FBXO22: variants seen among roughly 807,000 people sequenced by gnomAD.
FBXO22 encodes the protein F-box only protein 22.
FBXO22 carries 13 observed loss-of-function variants against 37.2 expected under a neutral mutation model. The ratio of observed to expected loss-of-function variants is 0.35; its 90% CI spans 0.23 to 0.56. The LOEUF (loss-of-function observed/expected upper bound fraction) is 0.56. Ranked by LOEUF, FBXO22 falls within the 20% of genes least tolerant of loss-of-function variation. The probability of loss-of-function intolerance (pLI) is 0.87; values close to 1 mark genes in which losing one functional copy is unlikely to be tolerated. For synonymous variants in FBXO22, 189 were observed against 189.1 expected (o/e 1.00, Z 0.00); for missense variants, 446 against 509.9 (o/e 0.87, Z 1.21).
rs1402107652 is a variant in FBXO22, at chr15:75,940,802, A to G, written c.*7700A>G. On this transcript the variant is annotated 3_prime_UTR_variant, in exon 7 of 7. Transcript: ENST00000308275. ...CACATGGCTAACTAACAAAGTTGCA[A>G]CCTCACTCATTTGCAAAAATTAACT... The G allele has an allele frequency of 6.6e-6, 1 of 152,024 alleles. No homozygotes were observed. Among genetic ancestry groups the G allele is most frequent in the African/African-American group, 2.4e-5 (1 of 41,412 alleles). The allele number at this position is 152,024 out of a possible 1,614,324, so 9.4% of individuals were successfully genotyped here.
In FBXO22 at chr15:75,933,497, A is replaced by T. The variant is rs1450461425; in HGVS notation, c.*395A>T. 5.4e-6 allele frequency: 1 copy of T among 185,840 alleles called. No individual in the cohort carries two copies. Among genetic ancestry groups the T allele is most frequent in the East Asian group, 1.7e-4 (1 of 5,956 alleles). 11.5% of individuals were successfully genotyped at this position (185,840 alleles called of 1,614,324 possible). On this transcript the variant is annotated 3_prime_UTR_variant, in exon 7 of 7. Coordinates refer to ENST00000308275, the MANE Select transcript of FBXO22 (RefSeq NM_147188.3). ...TTAGGTGATGTCTTTTAGCAGAATCATGAAGACCTTTTTTCTCCCTTAATA... is the reference window on the plus strand; with the variant it reads ...TTAGGTGATGTCTTTTAGCAGAATCTTGAAGACCTTTTTTCTCCCTTAATA...
At chr15:75,916,306 G>A (rs541202300) in intron 4 of FBXO22, among the ~76,000 whole-genome samples, 1 of 152,126 alleles carries the variant, frequency 6.6e-6, no homozygotes, top group South Asian at 2.1e-4. Context: ...CCACAGACTG[G>A]GTGACTTAAA....
At chr15:75,911,771 A>C (rs1900057668) in intron 2 of FBXO22, among the ~76,000 whole-genome samples, 1 of 151,286 alleles carries the variant, frequency 6.6e-6, no homozygotes, top group Non-Finnish European at 1.5e-5. Context: ...CTCTTGCTTG[A>C]TTGGCCTGGC....
At chr15:75,904,437 GGA>G (rs1458496170) in intron 1 of FBXO22, 52 bp from the exon 2 acceptor site, 1 of 1,611,916 alleles carries the variant, frequency 6.2e-7, no homozygotes, top group Non-Finnish European at 8.5e-7. Flanking sequence ...GTGAGCTGTG[GGA>G]GAGACGAAAA....
intron 5 of FBXO22, among the ~76,000 whole-genome samples, chr15:75,917,987 T>G (rs1900225603): frequency 6.6e-6 from 1 of 152,198 alleles, no homozygotes; most frequent in Non-Finnish European, 1.5e-5. Context: ...ATGTCTAAGC[T>G]TGGATGGGAA....
intron 6 of FBXO22, among the ~76,000 whole-genome samples, chr15:75,931,494 T>C (rs889722791): frequency 2.0e-5 from 3 of 152,224 alleles, no homozygotes; most frequent in Non-Finnish European, 4.4e-5. Context: ...GGAAATGTGA[T>C]AAAGTTTTAA....
chr15:75,921,383 C>T (rs1016893256), intron 5 of FBXO22, among the ~76,000 whole-genome samples: 1 of 152,046 alleles, frequency 6.6e-6, no homozygotes, highest in South Asian at 2.1e-4. Context: ...TTTGTTTGGC[C>T]GGGCACAGTG....
At chr15:75,922,511 A>G (rs1567054714) in intron 5 of FBXO22, among the ~76,000 whole-genome samples, 1 of 152,240 alleles carries the variant, frequency 6.6e-6, no homozygotes, top group African/African-American at 2.4e-5. Flanking sequence ...GAAGGAACAT[A>G]GAAACACAGG....
intron 2 of FBXO22, 106 bp downstream of exon 2, chr15:75,904,735 G>C: frequency 1.7e-6 from 1 of 592,962 alleles, no homozygotes; most frequent in Non-Finnish European, 2.5e-6. Flanking sequence ...GGAACATCTC[G>C]TTCCGTGAAA....
At chr15:75,930,424 G>T in intron 6 of FBXO22, 1 of 1,068,088 alleles carries the variant, frequency 9.4e-7, no homozygotes, top group Non-Finnish European at 1.1e-6. Flanking sequence ...AAACTTCTCA[G>T]AGCTTCTAAT....
Position 75,904,543 on chromosome 15 carries a change from AGC to A in FBXO22, c.195_196del (p.Val66AsnfsTer27). On this transcript the variant is annotated frameshift_variant, in exon 2 of 7. Transcript: ENST00000308275. LOFTEE classifies it high-confidence loss of function. ...CVRRVLRTHR[S>X]VTWISAGLAE... ...GCGCAGAGTATTGCGGACCCATCGG[AGC>A]GTAACCTGGATCTCCGCAGGCCTGG... The A allele has an allele frequency of 6.2e-7, 1 of 1,613,662 alleles. No homozygotes were observed. The highest frequency in any genetic ancestry group is 2.2e-5 in the East Asian group (1 of 44,808).
At chr15:75,919,242 G>A (rs1166523686) in intron 5 of FBXO22, among the ~76,000 whole-genome samples, 1 of 152,136 alleles carries the variant, frequency 6.6e-6, no homozygotes, top group Non-Finnish European at 1.5e-5. Context: ...AAAGTGCTGG[G>A]ATTACAGGTG....
rs1440806901 is a variant in FBXO22, at chr15:75,938,611, A to G, written c.*5509A>G. The G allele has an allele frequency of 6.6e-6, 1 of 152,242 alleles. No homozygotes were observed. Among genetic ancestry groups the G allele is most frequent in the Non-Finnish European group, 1.5e-5 (1 of 68,038 alleles). 9.4% of individuals were successfully genotyped at this position (152,242 alleles called of 1,614,324 possible). On this transcript the variant is annotated 3_prime_UTR_variant, in exon 7 of 7. Coordinates refer to ENST00000308275, the MANE Select transcript of FBXO22 (RefSeq NM_147188.3). ...CATTATAAAAAAATTCTGGCAGAGAAAAGTATAATAAATGAAATTTTCACT... is the reference window on the plus strand; with the variant it reads ...CATTATAAAAAAATTCTGGCAGAGAGAAGTATAATAAATGAAATTTTCACT...
chr15:75,904,621 G>A lies in FBXO22; in HGVS notation c.271G>A (p.Glu91Lys), dbSNP rs750180280. 3 of 1,606,214 alleles carry A rather than the reference G, an allele frequency of 1.9e-6. No individual in the cohort carries two copies. The highest frequency in any genetic ancestry group is 2.7e-5 in the African/African-American group (2 of 74,728). The change falls in exon 2 of 7, where the codon GAG (glutamate) becomes AAG (lysine). Residue 91 changes from glutamate to lysine, a missense_variant. By Grantham distance (56) the Glu-to-Lys change is moderately conservative. Around this residue, in one of 2 missense-constraint regions of FBXO22, gnomAD observed 315 missense variants for 410.1 expected, o/e 0.77. Coordinates refer to ENST00000308275, the MANE Select transcript of FBXO22 (RefSeq NM_147188.3). ...GHCLVRVVAE[E>K]LENVRILPHT... ...TTGCTTGGTTCGCGTGGTAGCAGAG[G>A]AGCTTGAGGCAAGTAGCAAGGGGTG...
rs559845545 is a variant in FBXO22 at position 75,916,900 on chromosome 15, AC to A, written c.464-323del. On this transcript the variant is annotated intron_variant, in intron 4 of 6. Coordinates refer to ENST00000308275, the MANE Select transcript of FBXO22 (RefSeq NM_147188.3). ...GAATTGCTGTGAAAGTGTATTTACTACCCCCCCAACTTTTTAATTTGAAAAA... is the reference window on the plus strand; with the variant it reads ...GAATTGCTGTGAAAGTGTATTTACTACCCCCCAACTTTTTAATTTGAAAAA... Among the ~76,000 whole-genome samples, 86 of 152,052 alleles carry A rather than the reference AC, an allele frequency of 5.7e-4. 2 individuals are homozygous for A. In the South Asian group the frequency reaches 0.01, roughly 18 times the overall value.
Position 75,904,042 on chromosome 15 carries a change from G to C in FBXO22, c.79G>C (p.Ala27Pro), listed in dbSNP as rs752654667. The change falls in exon 1 of 7, where the codon GCG (alanine) becomes CCG (proline). Residue 27 changes from alanine to proline, a missense_variant. Ala to Pro is a conservative substitution (Grantham distance 27). Transcript: ENST00000308275. The stretch of plus-strand genomic sequence containing the variant: ...GAGCACCTTCGTGTTGAGTAACCTG[G>C]CGGAGGTGGTGGAGCGTGTGCTCAC... ...PRSTFVLSNL[A>P]EVVERVLTFL... 1 of 1,566,750 alleles carries C rather than the reference G, an allele frequency of 6.4e-7. No homozygotes were observed. The highest frequency in any genetic ancestry group is 1.9e-5 in the Admixed American group (1 of 52,738).
chr15:75,930,510 C>CTTT (rs771692781), intron 6 of FBXO22: 63 of 987,192 alleles, frequency 6.4e-5, no homozygotes, highest in Non-Finnish European at 7.6e-5. Flanking sequence ...GGTCACAAAA[C>CTTT]TTTTTTCCAC....
chr15:75,923,422 G>A (rs189879768), intron 5 of FBXO22, among the ~76,000 whole-genome samples: 2 of 152,152 alleles, frequency 1.3e-5, no homozygotes, highest in Non-Finnish European at 2.9e-5. Flanking sequence ...GCTTTGCCCA[G>A]CTTAAAATGG....
Position 75,938,756 on chromosome 15 carries a change from C to A in FBXO22, c.*5654C>A, listed in dbSNP as rs1045318541. 1.3e-5 allele frequency: 2 copies of A among 152,098 alleles called. No individual in the cohort carries two copies. Among genetic ancestry groups the A allele is most frequent in the African/African-American group, 4.8e-5 (2 of 41,430 alleles). The allele number at this position is 152,098 out of a possible 1,614,324, so 9.4% of individuals were successfully genotyped here. ...ATAGTTTTAAAAGATACATATCACA[C>A]ACAAAGAAGTGAAGAAGATATGGTG... On this transcript the variant is annotated 3_prime_UTR_variant, in exon 7 of 7. Transcript: ENST00000308275.
Sources: allele counts gnomAD v4.1 joint callset (sites outside exome capture counted in the v4.1 genomes callset), GRCh38; gene constraint gnomAD v4.1.1; regional missense constraint gnomAD v4.1.1; transcripts MANE v1.5; gene names NCBI Gene and HGNC (gene_info 2026-07-23, HGNC 2026-07-21).